CFAP77: variants seen among roughly 807,000 people sequenced by gnomAD.
CFAP77 encodes the protein cilia- and flagella-associated protein 77.
Under a neutral mutation model 31.1 loss-of-function variants are expected in CFAP77, and 25 were observed. The observed-to-expected ratio is 0.80, with a 90% confidence interval of 0.59 to 1.12. CFAP77 has a LOEUF of 1.12. Ranked by LOEUF, CFAP77 falls within the 50% of genes most tolerant of loss-of-function variation. The pLI, the probability that CFAP77 is intolerant of heterozygous loss-of-function variation, is 0.00. For synonymous variants in CFAP77, 151 were observed against 159.9 expected, an observed-to-expected ratio of 0.94 and a Z score of 0.42; for missense variants, 377 against 397.3, an observed-to-expected ratio of 0.95 and a Z score of 0.44.
rs137930958 is a variant in CFAP77, at chr9:132,462,612, G to A, written c.196-36083G>A. ...GTGGATCACCTGAGGTCAGGAGTTC[G>A]AGACCAGCCTGGCTAACGTGGTAAA... is the stretch of plus-strand genomic sequence containing the variant. On this transcript the variant is annotated intron_variant, in intron 1 of 5. Transcript: ENST00000393216. 7.9e-3 allele frequency among the ~76,000 whole-genome samples: 1,204 copies of A among 152,156 alleles called. 53 individuals carry two copies. The highest frequency in any genetic ancestry group is 0.069 in the Admixed American group (1,052 of 15,274).
intron 3 of CFAP77, among the ~76,000 whole-genome samples, chr9:132,520,386 CT>C (rs1852246290): frequency 6.6e-6 from 1 of 152,118 alleles, no homozygotes; most frequent in South Asian, 2.1e-4. Context: ...CAGCTCACAC[CT>C]GTAATCCCAG....
intron 1 of CFAP77, among the ~76,000 whole-genome samples, chr9:132,450,178 C>T (rs1850801618): frequency 6.6e-6 from 1 of 151,920 alleles, no homozygotes; most frequent in Admixed American, 6.6e-5. Flanking sequence ...GATCTGCCCG[C>T]CTCGCCCTCC....
chr9:132,476,238 G>A (rs1369892637), intron 1 of CFAP77, among the ~76,000 whole-genome samples: 1 of 151,986 alleles, frequency 6.6e-6, no homozygotes, highest in Non-Finnish European at 1.5e-5. Context: ...TTGCTTCCAG[G>A]AACACCCTCA....
chr9:132,467,488 C>T (rs1015965595), intron 1 of CFAP77, among the ~76,000 whole-genome samples: 2 of 152,176 alleles, frequency 1.3e-5, no homozygotes, highest in Non-Finnish European at 2.9e-5. Flanking sequence ...AGCACACTGC[C>T]GTGAAGGTCC....
intron 1 of CFAP77, among the ~76,000 whole-genome samples, chr9:132,489,399 G>C (rs907213505): frequency 1.3e-5 from 2 of 152,156 alleles, no homozygotes; most frequent in African/African-American, 4.8e-5. Flanking sequence ...GTGATGTCCA[G>C]GAGAGGTGAG....
At chr9:132,522,049 A>T (rs1852277623) in intron 3 of CFAP77, among the ~76,000 whole-genome samples, 1 of 152,180 alleles carries the variant, frequency 6.6e-6, no homozygotes, top group African/African-American at 2.4e-5. Flanking sequence ...GGCGTGAGCC[A>T]CTACACCCGG....
At chr9:132,513,602 C>T (rs1005411204) in intron 3 of CFAP77, among the ~76,000 whole-genome samples, 1 of 152,222 alleles carries the variant, frequency 6.6e-6, no homozygotes, top group Non-Finnish European at 1.5e-5. Context: ...TCGCTCATCT[C>T]ATGACACACA....
At position 132,511,998 on chromosome 9, in the gene CFAP77, G is replaced by C. The variant is rs968272549; in HGVS notation, c.524+12398G>C. On this transcript the variant is annotated intron_variant, in intron 3 of 5. Transcript: ENST00000393216. The surrounding 1 kb of genome is among the most constrained non-coding windows in gnomAD (Gnocchi z 5.8). Reference sequence around the variant, plus strand: ...GAACCTGGGAGGCAGAGGTTGCAGTGAGCCAAGATCATGCCACTGCACTCC... The same window carrying C: ...GAACCTGGGAGGCAGAGGTTGCAGTCAGCCAAGATCATGCCACTGCACTCC... Among the ~76,000 whole-genome samples, 11 of 151,852 alleles carry C rather than the reference G, an allele frequency of 7.2e-5. No homozygotes were observed. Among genetic ancestry groups the C allele is most frequent in the African/African-American group, 2.7e-4 (11 of 41,310 alleles).
rs1359061602 is a variant in CFAP77, at chr9:132,572,651, A to G, written c.*141A>G. The G allele has an allele frequency of 3.4e-6, 3 of 886,374 alleles. No homozygotes were observed. Among genetic ancestry groups the G allele is most frequent in the Non-Finnish European group, 5.0e-6 (3 of 602,582 alleles). 54.9% of individuals were successfully genotyped at this position (886,374 alleles called of 1,614,324 possible). A position where few individuals can be genotyped will look rare whatever the true frequency, so the allele number is the denominator to read the frequency against. On this transcript the variant is annotated 3_prime_UTR_variant, in exon 6 of 6. Transcript: ENST00000393216. ...GGAGCTCAGATTCAAGTCTTAGGCT[A>G]ATTGTTTTTGGTAAAAGTCCCCCCT... is the stretch of plus-strand genomic sequence containing the variant.
chr9:132,498,370 G>A lies in CFAP77; in HGVS notation c.196-325G>A, dbSNP rs1851779578. Among the ~76,000 whole-genome samples, 1 of 152,140 alleles carries A rather than the reference G, an allele frequency of 6.6e-6. No homozygotes were observed. Among genetic ancestry groups the A allele is most frequent in the African/African-American group, 2.4e-5 (1 of 41,410 alleles). On this transcript the variant is annotated intron_variant, in intron 1 of 5. Coordinates refer to ENST00000393216, the MANE Select transcript of CFAP77 (RefSeq NM_001282957.2). The surrounding 1 kb of genome is among the most constrained non-coding windows in gnomAD (Gnocchi z 4.2). ...TTCCAGCTTGAGCCAGCCAGGTCTA[G>A]GCTGCACCCCAAACACAGCGGCTCA... is the stretch of plus-strand genomic sequence containing the variant.
At chr9:132,486,223 G>T (rs1851556035) in intron 1 of CFAP77, among the ~76,000 whole-genome samples, 1 of 147,790 alleles carries the variant, frequency 6.8e-6, no homozygotes, top group Non-Finnish European at 1.5e-5. Flanking sequence ...CTCCCGAGTA[G>T]CTGGGACTAT....
rs989344417 is a variant in CFAP77 at position 132,565,348 on chromosome 9, G to A, written c.733-7040G>A. Reference sequence around the variant, plus strand: ...ACAATCTTATTAAATAGCTCTTGTCGGCCTGGTGCCGTGGCTCACGCCTGT... The same window carrying A: ...ACAATCTTATTAAATAGCTCTTGTCAGCCTGGTGCCGTGGCTCACGCCTGT... On this transcript the variant is annotated intron_variant, in intron 5 of 5. Coordinates refer to ENST00000393216, the MANE Select transcript of CFAP77 (RefSeq NM_001282957.2). The surrounding 1 kb of genome is among the most constrained non-coding windows in gnomAD (Gnocchi z 4.1). Among the ~76,000 whole-genome samples, 4 of 151,974 alleles carry A rather than the reference G, an allele frequency of 2.6e-5. No homozygotes were observed. The highest frequency in any genetic ancestry group is 4.4e-5 in the Non-Finnish European group (3 of 68,004).
Position 132,495,095 on chromosome 9 carries a change from C to A in CFAP77, c.196-3600C>A, listed in dbSNP as rs1325154844. Among the ~76,000 whole-genome samples the A allele has an allele frequency of 6.6e-6, 1 of 152,130 alleles. No individual in the cohort carries two copies. Among genetic ancestry groups the A allele is most frequent in the Non-Finnish European group, 1.5e-5 (1 of 68,036 alleles). On this transcript the variant is annotated intron_variant, in intron 1 of 5. Transcript: ENST00000393216. The surrounding 1 kb of genome is among the most constrained non-coding windows in gnomAD (Gnocchi z 4.2). ...AGGGCTGTGTGTCTGATCTGTTCAC[C>A]CTAGAACTTCCAGCACAGAGGGCTT...
intron 1 of CFAP77, among the ~76,000 whole-genome samples, chr9:132,412,675 G>A (rs912078618): frequency 7.9e-5 from 12 of 151,572 alleles, no homozygotes; most frequent in African/African-American, 2.9e-4. Context: ...GATTGGGTTT[G>A]CAGCTTCGTT....
At chr9:132,519,538 G>GAAT (rs1852218782) in intron 3 of CFAP77, among the ~76,000 whole-genome samples, 37 of 114,368 alleles carry the variant, frequency 3.2e-4, no homozygotes, top group Non-Finnish European at 4.8e-4. Flanking sequence ...ATGGATGGAT[G>GAAT]GGTGGGTAGA....
At chr9:132,459,847 TGA>T (rs1330768136) in intron 1 of CFAP77, among the ~76,000 whole-genome samples, 1 of 151,312 alleles carries the variant, frequency 6.6e-6, no homozygotes, top group Non-Finnish European at 1.5e-5. Flanking sequence ...GGGAGTATTG[TGA>T]GTCTGTGTGT....
intron 3 of CFAP77, among the ~76,000 whole-genome samples, chr9:132,523,605 C>T (rs1589905688): frequency 6.6e-6 from 1 of 152,176 alleles, no homozygotes; most frequent in African/African-American, 2.4e-5. Flanking sequence ...CTGGGAGGCA[C>T]AGGGGGGTCC....
At chr9:132,524,711 T>A (rs181680804) in intron 3 of CFAP77, among the ~76,000 whole-genome samples, 11,201 of 151,288 alleles carry the variant, frequency 0.074, 496 homozygotes, top group South Asian at 0.13. Context: ...TGCAGTGGCG[T>A]GATCTCGGCT....
At position 132,481,676 on chromosome 9, in the gene CFAP77, AG is replaced by A. The variant is rs964926616; in HGVS notation, c.196-17018del. Among the ~76,000 whole-genome samples, 4 of 152,154 alleles carry A rather than the reference AG, an allele frequency of 2.6e-5. No homozygotes were observed. The highest frequency in any genetic ancestry group is 5.9e-5 in the Non-Finnish European group (4 of 68,012). ...GGAGGACCCTGTCCTCCAGCCTCCC[AG>A]CTTTGTGCTGAAATGAAGAGCCGCC... On this transcript the variant is annotated intron_variant, in intron 1 of 5. Coordinates refer to ENST00000393216, the MANE Select transcript of CFAP77 (RefSeq NM_001282957.2). This position sits in a 1 kb window ranked among gnomAD's most constrained non-coding sequence, Gnocchi z 5.0.
Sources: allele counts gnomAD v4.1 joint callset (sites outside exome capture counted in the v4.1 genomes callset), GRCh38; gene constraint gnomAD v4.1.1; non-coding constraint Gnocchi (gnomAD v3.1); transcripts MANE v1.5; gene names NCBI Gene and HGNC (gene_info 2026-07-23, HGNC 2026-07-21).